RYR2: variants seen among roughly 807,000 people sequenced by gnomAD.
RYR2 encodes cardiac muscle ryanodine receptor-calcium release channel.
RYR2 carries 227 observed loss-of-function variants against 601.1 expected under a neutral mutation model. That is an observed-to-expected ratio of 0.38 (90% CI 0.34 to 0.42). The LOEUF is 0.42. Among genes scored for constraint, RYR2 ranks in the 10% least tolerant of loss-of-function variants. The probability of loss-of-function intolerance (pLI) is 1.00; values close to 1 mark genes in which losing one functional copy is unlikely to be tolerated. For missense variants in RYR2, 4,646 were observed against 6,156.5 expected (o/e 0.75, Z 8.21); for synonymous variants, 2,223 against 2,175.1 (o/e 1.02, Z -0.61).
chr1:237,514,531 T>C (rs1666227727), intron 24 of RYR2, among the ~76,000 whole-genome samples: 1 of 152,238 alleles, frequency 6.6e-6, no homozygotes, highest in Non-Finnish European at 1.5e-5. Context: ...TATTTACAAA[T>C]TGAATTAGGG....
chr1:237,144,407 G>A (rs1346473688), intron 1 of RYR2, among the ~76,000 whole-genome samples: 1 of 152,106 alleles, frequency 6.6e-6, no homozygotes, highest in African/African-American at 2.4e-5. Context: ...TTGGAGCCTG[G>A]TACCTGCCGA....
At chr1:237,123,706 G>T (rs1469886448) in intron 1 of RYR2, among the ~76,000 whole-genome samples, 1 of 132,826 alleles carries the variant, frequency 7.5e-6, no homozygotes, top group Non-Finnish European at 1.5e-5. Flanking sequence ...TGTCGCCCAG[G>T]CCGGACTGCG....
intron 1 of RYR2, among the ~76,000 whole-genome samples, chr1:237,177,519 T>G (rs1678192023): frequency 6.6e-6 from 1 of 152,218 alleles, no homozygotes; most frequent in Non-Finnish European, 1.5e-5. Flanking sequence ...CTTGCTTGTT[T>G]CTGAACTTTA....
chr1:237,123,480 A>G (rs1429130576), intron 1 of RYR2, among the ~76,000 whole-genome samples: 1 of 151,926 alleles, frequency 6.6e-6, no homozygotes, highest in African/African-American at 2.4e-5. Context: ...CCCAGCTACT[A>G]GGAGGCTGGG....
chr1:237,269,769 T>C (rs1245250647), intron 1 of RYR2, among the ~76,000 whole-genome samples: 1 of 152,186 alleles, frequency 6.6e-6, no homozygotes, highest in Non-Finnish European at 1.5e-5. Context: ...GGAATCCAGA[T>C]CTTGCTTGTC....
intron 101 of RYR2, among the ~76,000 whole-genome samples, chr1:237,825,304 T>C (rs1016668263): frequency 6.6e-6 from 1 of 152,152 alleles, no homozygotes; most frequent in African/African-American, 2.4e-5. Context: ...ATGGTATTGG[T>C]ATGAAAACAG....
At chr1:237,400,959 G>A (rs1249023528) in intron 10 of RYR2, among the ~76,000 whole-genome samples, 1 of 152,176 alleles carries the variant, frequency 6.6e-6, no homozygotes, top group Non-Finnish European at 1.5e-5. Context: ...CCCTAAAGAA[G>A]AGGCGTGTTT....
intron 44 of RYR2, among the ~76,000 whole-genome samples, chr1:237,636,234 T>C (rs1162690965): frequency 6.6e-6 from 1 of 152,118 alleles, no homozygotes; most frequent in Non-Finnish European, 1.5e-5. Flanking sequence ...TAAAAATTCA[T>C]CCCCTACTAT....
At chr1:237,687,566 C>T in intron 63 of RYR2, 62 bp downstream of exon 63, 1 of 1,262,818 alleles carries the variant, frequency 7.9e-7, no homozygotes. Context: ...GCCATTTTTG[C>T]ACTGTGTTGT....
At chr1:237,386,155 C>A (rs1225964625) in intron 8 of RYR2, among the ~76,000 whole-genome samples, 1 of 152,084 alleles carries the variant, frequency 6.6e-6, no homozygotes, top group East Asian at 1.9e-4. Context: ...ATTGCCAAGT[C>A]TTATGTATCA....
intron 30 of RYR2, among the ~76,000 whole-genome samples, 193 bp from the exon 31 acceptor site, chr1:237,590,447 G>A (rs936127825): frequency 5.9e-5 from 9 of 152,188 alleles, no homozygotes; most frequent in East Asian, 3.9e-4. Flanking sequence ...TTCCGAAACC[G>A]TCTTTAGAAA....
intron 88 of RYR2, among the ~76,000 whole-genome samples, chr1:237,780,818 T>TTTATC (rs1310156638): frequency 6.6e-6 from 1 of 152,208 alleles, no homozygotes; most frequent in Non-Finnish European, 1.5e-5. Flanking sequence ...CATTTATAAG[T>TTTATC]TTATCTTCTA....
In RYR2 at chr1:237,700,321, A is replaced by C; in HGVS notation, c.9221A>C (p.Asn3074Thr). 1 of 1,596,212 alleles carries C rather than the reference A, an allele frequency of 6.3e-7. No homozygotes were observed. The highest frequency in any genetic ancestry group is 1.1e-5 in the South Asian group (1 of 87,976). ...GAGGATCTGGAGAAGACCATGGAAAACCTCAAGCAGGGCCAGTTCACTCAC... is the reference window on the plus strand; with the variant it reads ...GAGGATCTGGAGAAGACCATGGAAACCCTCAAGCAGGGCCAGTTCACTCAC... ...AAEDLEKTME[N>T]LKQGQFTHTR... The change falls in exon 65 of 105, where the codon AAC becomes ACC. Residue 3074 changes from asparagine to threonine, a missense_variant. Physicochemically the swap from Asn to Thr is moderately conservative, Grantham distance 65. This residue lies in a region of RYR2 where 1,497 missense variants were observed against 1,842.6 expected (regional missense o/e 0.81). Coordinates refer to ENST00000366574, the MANE Select transcript of RYR2 (RefSeq NM_001035.3).
chr1:237,062,845 A>T (rs1663052262), intron 1 of RYR2, among the ~76,000 whole-genome samples: 1 of 152,150 alleles, frequency 6.6e-6, no homozygotes, highest in African/African-American at 2.4e-5. Context: ...GTGGTTTACT[A>T]AGCTGTTTTG....
In RYR2 at chr1:237,667,971, A is replaced by C. The variant is rs1325212780; in HGVS notation, c.8590+13A>C. 1 of 1,545,410 alleles carries C rather than the reference A, an allele frequency of 6.5e-7. No homozygotes were observed. The highest frequency in any genetic ancestry group is 8.8e-7 in the Non-Finnish European group (1 of 1,142,824). ...TTGGAGTCCAAAGGTAATATTTTCT[A>C]AAAACGTTTATTAAAAAATAATCTG... On this transcript the variant is annotated intron_variant, in intron 58 of 104. Coordinates refer to ENST00000366574, the MANE Select transcript of RYR2 (RefSeq NM_001035.3).
intron 1 of RYR2, among the ~76,000 whole-genome samples, chr1:237,244,613 T>A (rs1288101666): frequency 1.3e-5 from 2 of 152,180 alleles, no homozygotes; most frequent in African/African-American, 4.8e-5. Context: ...AGCTGAAATA[T>A]AAAATCCAGC....
At chr1:237,081,083 G>T in intron 1 of RYR2, among the ~76,000 whole-genome samples, 1 of 73,106 alleles carries the variant, frequency 1.4e-5, no homozygotes, top group Non-Finnish European at 2.6e-5. Context: ...TGAACAATGA[G>T]ATCACATGGA....
chr1:237,055,357 A>G (rs1217302778), intron 1 of RYR2, among the ~76,000 whole-genome samples: 10 of 152,270 alleles, frequency 6.6e-5, no homozygotes, highest in South Asian at 4.1e-4. Context: ...GCTGTCCATT[A>G]GAAAGATTAA....
At chr1:237,167,942 T>G (rs897713070) in intron 1 of RYR2, among the ~76,000 whole-genome samples, 12 of 152,142 alleles carry the variant, frequency 7.9e-5, no homozygotes, top group African/African-American at 2.7e-4. Context: ...CTTTAAAAAT[T>G]TGCATGTTAG....
Sources: allele counts gnomAD v4.1 joint callset (sites outside exome capture counted in the v4.1 genomes callset), GRCh38; gene constraint gnomAD v4.1.1; regional missense constraint gnomAD v4.1.1; transcripts MANE v1.5; gene names NCBI Gene and HGNC (gene_info 2026-07-23, HGNC 2026-07-21).